GALNT13: variants seen among roughly 807,000 people sequenced by gnomAD.
GALNT13 encodes the protein polypeptide N-acetylgalactosaminyltransferase 13, also known as UDP-GalNAc:polypeptide N-acetylgalactosaminyltransferase 13.
GALNT13 carries 28 observed loss-of-function variants against 64.2 expected under a neutral mutation model. That is an observed-to-expected ratio of 0.44 (90% CI 0.32 to 0.60). The LOEUF is 0.60. GALNT13 is among the 20% of genes least tolerant of loss of function. The pLI, the probability that GALNT13 is intolerant of heterozygous loss-of-function variation, is 0.05. For missense variants in GALNT13, 577 were observed against 669.8 expected, an observed-to-expected ratio of 0.86 and a Z score of 1.53; for synonymous variants, 214 against 224.6, an observed-to-expected ratio of 0.95 and a Z score of 0.42.
the GALNT13 span, among the ~76,000 whole-genome samples, chr2:153,202,028 A>G: frequency 7.8e-6 from 1 of 128,948 alleles, no homozygotes; most frequent in African/African-American, 3.1e-5. Flanking sequence ...CCCAGGCCGG[A>G]CTGCGGACTG....
At chr2:153,710,659 C>G in the GALNT13 span, among the ~76,000 whole-genome samples, 1 of 151,948 alleles carries the variant, frequency 6.6e-6, no homozygotes, top group Non-Finnish European at 1.5e-5. Context: ...AAGTTTTTTT[C>G]TCTACTGAAC....
intron 2 of GALNT13, among the ~76,000 whole-genome samples, chr2:153,934,539 T>C (rs1380833841): frequency 1.3e-5 from 2 of 152,190 alleles, no homozygotes; most frequent in African/African-American, 2.4e-5. Context: ...AGGAAGTACA[T>C]GAACCATCAA....
the GALNT13 span, among the ~76,000 whole-genome samples, chr2:153,129,092 T>C: frequency 6.6e-6 from 1 of 152,212 alleles, no homozygotes; most frequent in African/African-American, 2.4e-5. Flanking sequence ...AATCCACGAA[T>C]ACTGGCTTTG....
chr2:153,996,688 T>C (rs7586239), intron 3 of GALNT13, among the ~76,000 whole-genome samples: 28,323 of 152,108 alleles, frequency 0.19, 3,377 homozygotes, highest in Non-Finnish European at 0.26. Flanking sequence ...TAATTTCATC[T>C]GCCCATTTTT....
the GALNT13 span, among the ~76,000 whole-genome samples, chr2:153,094,685 C>T: frequency 6.6e-6 from 1 of 152,174 alleles, no homozygotes; most frequent in African/African-American, 2.4e-5. Flanking sequence ...GGTACCAAAA[C>T]AGAGATACAG....
chr2:153,870,422 T>C (rs2105205397), upstream of GALNT13, among the ~76,000 whole-genome samples: 1 of 152,246 alleles, frequency 6.6e-6, no homozygotes, highest in East Asian at 1.9e-4. Context: ...CCCAATCTTT[T>C]ACCTGGTCCA....
chr2:153,245,379 A>G, the GALNT13 span, among the ~76,000 whole-genome samples: 1 of 152,190 alleles, frequency 6.6e-6, no homozygotes, highest in African/African-American at 2.4e-5. Flanking sequence ...GACACCTCAT[A>G]CAGGAGAGCT....
At chr2:153,858,094 T>C in the GALNT13 span, among the ~76,000 whole-genome samples, 1 of 152,206 alleles carries the variant, frequency 6.6e-6, no homozygotes, top group Non-Finnish European at 1.5e-5. Flanking sequence ...GATAGGTGTA[T>C]CAAGGTATAA....
At chr2:153,626,429 G>A in the GALNT13 span, among the ~76,000 whole-genome samples, 1 of 152,022 alleles carries the variant, frequency 6.6e-6, no homozygotes, top group Non-Finnish European at 1.5e-5. Context: ...GCTATGTTAT[G>A]TTTTATAATG....
the GALNT13 span, among the ~76,000 whole-genome samples, chr2:153,327,871 G>A: frequency 3.9e-5 from 6 of 152,030 alleles, no homozygotes; most frequent in Non-Finnish European, 7.4e-5. Flanking sequence ...GAGAAGAAGA[G>A]ACATTCTGAT....
At chr2:153,796,518 C>A in the GALNT13 span, among the ~76,000 whole-genome samples, 2 of 152,106 alleles carry the variant, frequency 1.3e-5, no homozygotes, top group African/African-American at 4.8e-5. Flanking sequence ...CATGGTAAAT[C>A]ATCTTTTATA....
At chr2:154,354,121 T>C (rs1020301987) in intron 9 of GALNT13, among the ~76,000 whole-genome samples, 1 of 152,144 alleles carries the variant, frequency 6.6e-6, no homozygotes, top group Non-Finnish European at 1.5e-5. Context: ...TGAGGTGATA[T>C]TTTTATAGTG....
At chr2:153,165,264 T>C in the GALNT13 span, among the ~76,000 whole-genome samples, 2 of 152,204 alleles carry the variant, frequency 1.3e-5, no homozygotes, top group African/African-American at 4.8e-5. Context: ...TTGATTGTTA[T>C]AGTGGGAGAG....
chr2:153,393,220 T>A, the GALNT13 span, among the ~76,000 whole-genome samples: 2,012 of 151,968 alleles, frequency 0.013, 27 homozygotes, highest in Middle Eastern at 0.044. Flanking sequence ...ACCAATCGAC[T>A]AATCTTAATT....
At chr2:153,247,136 T>C in the GALNT13 span, among the ~76,000 whole-genome samples, 126,886 of 152,080 alleles carry the variant, frequency 0.83, 54,165 homozygotes, top group African/African-American at 0.93. Flanking sequence ...CCTAGATTCA[T>C]AAAGTTCTTA....
At chr2:154,166,230 C>A (rs1685014352) in intron 4 of GALNT13, among the ~76,000 whole-genome samples, 1 of 152,076 alleles carries the variant, frequency 6.6e-6, no homozygotes, top group Admixed American at 6.5e-5. Context: ...CATGGTGAAA[C>A]CCCATCTCTA....
At chr2:153,565,870 CT>C in the GALNT13 span, among the ~76,000 whole-genome samples, 1 of 151,970 alleles carries the variant, frequency 6.6e-6, no homozygotes, top group East Asian at 1.9e-4. Context: ...ATTCCTCCCT[CT>C]GTTTGGTTTA....
the GALNT13 span, among the ~76,000 whole-genome samples, chr2:153,408,905 T>G: frequency 1.3e-5 from 2 of 152,066 alleles, no homozygotes; most frequent in African/African-American, 4.8e-5. Flanking sequence ...TTAATCTGGG[T>G]GGACACCATC....
the GALNT13 span, among the ~76,000 whole-genome samples, chr2:153,438,511 G>C: frequency 6.6e-6 from 1 of 152,108 alleles, no homozygotes; most frequent in Non-Finnish European, 1.5e-5. Context: ...ATTTCTTGGA[G>C]GCTTTGTTCA....
Sources: gnomAD v4.1 joint callset for allele counts (sites outside exome capture counted in the v4.1 genomes callset) on GRCh38, gnomAD v4.1.1 for gene constraint, MANE v1.5 for transcripts, NCBI Gene and HGNC (gene_info 2026-07-23, HGNC 2026-07-21) for gene names.